C17orf78: variants seen among roughly 807,000 people sequenced by gnomAD.
C17orf78 encodes the protein uncharacterized protein C17orf78.
A neutral mutation model predicts 31.8 loss-of-function variants in C17orf78; 27 were observed. That is an observed-to-expected ratio of 0.85 (90% CI 0.63 to 1.17). The LOEUF is 1.17. Ranked by LOEUF, C17orf78 falls within the 50% of genes most tolerant of loss-of-function variation. C17orf78 has a pLI of 0.00. For synonymous variants in C17orf78, 106 were observed against 115.1 expected (o/e 0.92, Z 0.51); for missense variants, 258 against 315.2 (o/e 0.82, Z 1.37).
At chr17:37,381,919 A>G (rs112626895) in intron 3 of C17orf78, among the ~76,000 whole-genome samples, 3,995 of 152,004 alleles carry the variant, frequency 0.026, 69 homozygotes, top group South Asian at 0.047. Flanking sequence ...GAGCCACTGC[A>G]CCCGGCCATG....
Position 37,379,985 on chromosome 17 carries a change from C to T in C17orf78, c.391+603C>T, listed in dbSNP as rs1300949965. On this transcript the variant is annotated intron_variant, in intron 3 of 6. Transcript: ENST00000615133. The stretch of plus-strand genomic sequence containing the variant: ...AAAGACACATGCACACGTATGTTTA[C>T]TGCGGCACTATTCACAATAGCAAAG... Among the ~76,000 whole-genome samples the T allele has an allele frequency of 1.2e-3, 174 of 150,322 alleles. 1 individual carries two copies. Among genetic ancestry groups the T allele is most frequent in the Non-Finnish European group, 2.1e-3 (143 of 67,668 alleles).
intron 2 of C17orf78, among the ~76,000 whole-genome samples, chr17:37,378,823 A>C (rs1288605080): frequency 2.6e-5 from 4 of 152,190 alleles, no homozygotes; most frequent in Admixed American, 2.6e-4. Flanking sequence ...GCACTTTGGG[A>C]GGCCAAGGTG....
intron 6 of C17orf78, 50 bp from the exon 7 acceptor site, chr17:37,391,597 C>T: frequency 4.6e-6 from 7 of 1,537,318 alleles, no homozygotes; most frequent in Non-Finnish European, 6.3e-6. Flanking sequence ...ACATGAAGAA[C>T]TATACACTTG....
intron 3 of C17orf78, among the ~76,000 whole-genome samples, chr17:37,383,219 G>C (rs752821310): frequency 6.6e-6 from 1 of 152,182 alleles, no homozygotes; most frequent in African/African-American, 2.4e-5. Flanking sequence ...AGTGAATATA[G>C]TGCTAGGCAT....
intron 6 of C17orf78, 65 bp downstream of exon 6, chr17:37,389,427 T>C (rs933925260): frequency 3.2e-5 from 49 of 1,533,858 alleles, no homozygotes; most frequent in Non-Finnish European, 4.1e-5. Flanking sequence ...CCGGGCGTGG[T>C]GGCTCACACC....
At chr17:37,390,590 A>G (rs572647769) in intron 6 of C17orf78, among the ~76,000 whole-genome samples, 110 of 148,860 alleles carry the variant, frequency 7.4e-4, no homozygotes, top group African/African-American at 2.3e-3. Context: ...TTGCGCCACT[A>G]TACTCCAGCC....
intron 1 of C17orf78, 60 bp downstream of exon 1, chr17:37,376,210 C>T (rs937182110): frequency 3.4e-5 from 49 of 1,424,298 alleles, no homozygotes; most frequent in African/African-American, 3.2e-4. Context: ...GAAAGAGTTT[C>T]GGGGTCTCTT....
chr17:37,378,436 G>A (rs947079432), intron 2 of C17orf78, among the ~76,000 whole-genome samples: 1 of 152,244 alleles, frequency 6.6e-6, no homozygotes, highest in Non-Finnish European at 1.5e-5. Flanking sequence ...GCTTTGGCCA[G>A]GCATGGTGGC....
At chr17:37,378,917 C>G (rs751255116) in intron 2 of C17orf78, among the ~76,000 whole-genome samples, 1 of 151,894 alleles carries the variant, frequency 6.6e-6, no homozygotes, top group African/African-American at 2.4e-5. Context: ...AAAAATTAGC[C>G]GAGCAAAGTG....
rs1386032855 is a variant in C17orf78 at position 37,390,330 on chromosome 17, A to ATATATATATATCTATC, written c.750+972_750+973insTATATATCTATCTATA. Among the ~76,000 whole-genome samples the ATATATATATATCTATC allele has an allele frequency of 9.6e-5, 4 of 41,592 alleles. 1 individual carries two copies. Among genetic ancestry groups the ATATATATATATCTATC allele is most frequent in the African/African-American group, 2.6e-4 (2 of 7,838 alleles). The allele number at this position is 41,592 out of a possible 152,430, so 27.3% of individuals were successfully genotyped here. A position where few individuals can be genotyped will look rare whatever the true frequency, so the allele number is the denominator to read the frequency against. On this transcript the variant is annotated intron_variant, in intron 6 of 6. Coordinates refer to ENST00000615133, the MANE Select transcript of C17orf78 (RefSeq NM_173625.5). ...TATATATATATATATATATATATAT[A>ATATATATATATCTATC]TATAAAAGGCCAGCTGGGCCGGGCA...
At chr17:37,388,836 A>G (rs1597781993) in intron 5 of C17orf78, 42 bp downstream of exon 5, 1 of 1,606,954 alleles carries the variant, frequency 6.2e-7, no homozygotes, top group African/African-American at 1.3e-5. Context: ...TTGACCCATA[A>G]AGACTTTCTT....
At chr17:37,378,669 C>T (rs765230580) in intron 2 of C17orf78, among the ~76,000 whole-genome samples, 5 of 152,292 alleles carry the variant, frequency 3.3e-5, no homozygotes, top group South Asian at 2.1e-4. Context: ...GCTGAGATTG[C>T]GCCATTGCAC....
chr17:37,386,422 C>A (rs1316787571), intron 4 of C17orf78, among the ~76,000 whole-genome samples: 1 of 151,974 alleles, frequency 6.6e-6, no homozygotes, highest in Non-Finnish European at 1.5e-5. Context: ...TGAAAACCCG[C>A]CTCTACTAAA....
chr17:37,377,885 G>A lies in C17orf78; in HGVS notation c.65G>A (p.Arg22Lys). Residue 22 changes from arginine to lysine, a missense_variant, in exon 2 of 7, where the codon AGA (arginine) becomes AAA (lysine). Arg to Lys is a conservative substitution (Grantham distance 26). Coordinates refer to ENST00000615133, the MANE Select transcript of C17orf78 (RefSeq NM_173625.5). The stretch of plus-strand genomic sequence containing the variant: ...CCCCTCTGCTCACCCCCAGACCTCA[G>A]AGATAGCAGTTGCCGACTGGAACAG... ...ASYDANKKDL[R>K]DSSCRLEQLP... 4.3e-6 allele frequency: 7 copies of A among 1,612,150 alleles called. No individual in the cohort carries two copies. Among genetic ancestry groups the A allele is most frequent in the Non-Finnish European group, 5.9e-6 (7 of 1,179,370 alleles).
chr17:37,379,267 T>C lies in C17orf78; in HGVS notation c.276T>C (p.His92=), dbSNP rs372117169. 5 of 1,613,898 alleles carry C rather than the reference T, an allele frequency of 3.1e-6. No homozygotes were observed. Among genetic ancestry groups the C allele is most frequent in the Non-Finnish European group, 4.2e-6 (5 of 1,179,908 alleles). Residue 92 remains histidine (H), a synonymous_variant, in exon 3 of 7, where the codon CAT becomes CAC. Transcript: ENST00000615133. ...VYLERRPKVK[H]ILKNLRIIAA... is the part of the protein sequence containing the mutation. ...TGGAGAGAAGGCCAAAGGTCAAGCA[T>C]ATTTTGAAGAACCTGAGAATCATTG...
chr17:37,390,175 T>C (rs781593227), intron 6 of C17orf78, among the ~76,000 whole-genome samples: 19,414 of 44,542 alleles, frequency 0.44, 4,699 homozygotes, highest in East Asian at 0.83. Context: ...TATATATATA[T>C]ACACACACAC....
chr17:37,386,452 C>T (rs1470465207), intron 4 of C17orf78, among the ~76,000 whole-genome samples: 2 of 151,986 alleles, frequency 1.3e-5, no homozygotes, highest in Non-Finnish European at 2.9e-5. Flanking sequence ...ATTAGCCGGA[C>T]GTGGTGGCAG....
At chr17:37,379,033 C>T (rs1390187892) in intron 2 of C17orf78, 104 bp from the exon 3 acceptor site, 97 of 1,351,002 alleles carry the variant, frequency 7.2e-5, no homozygotes, top group Non-Finnish European at 4.2e-5. Flanking sequence ...GATTGCGACA[C>T]TGCACTCCAG....
chr17:37,388,604 A>T (rs900985469), intron 4 of C17orf78, 66 bp from the exon 5 acceptor site: 54 of 1,535,230 alleles, frequency 3.5e-5, no homozygotes, highest in Non-Finnish European at 4.7e-5. Flanking sequence ...CTTCAGGTCA[A>T]AGGATCAATC....
Sources: allele counts gnomAD v4.1 joint callset (sites outside exome capture counted in the v4.1 genomes callset), GRCh38; gene constraint gnomAD v4.1.1; transcripts MANE v1.5; gene names NCBI Gene and HGNC (gene_info 2026-07-23, HGNC 2026-07-21).